FNDC3B: variants seen among roughly 807,000 people sequenced by gnomAD.
The protein encoded by FNDC3B is fibronectin type III domain-containing protein 3B.
A neutral mutation model predicts 151.5 loss-of-function variants in FNDC3B; 12 were observed. The ratio of observed to expected loss-of-function variants is 0.08; its 90% CI spans 0.05 to 0.13. The LOEUF (loss-of-function observed/expected upper bound fraction) is 0.13, where lower values mean the gene tolerates loss of function less well. Ranked by LOEUF, FNDC3B falls within the 10% of genes least tolerant of loss-of-function variation. The pLI, the probability that FNDC3B is intolerant of heterozygous loss-of-function variation, is 1.00. For synonymous variants in FNDC3B, 528 were observed against 549.0 expected, an observed-to-expected ratio of 0.96 and a Z score of 0.54; for missense variants, 1,214 against 1,505.3, an observed-to-expected ratio of 0.81 and a Z score of 3.20.
rs575356160 is a variant in FNDC3B, at chr3:172,335,004, A to G, written c.1702A>G (p.Ser568Gly). Reference protein sequence around the residue: ...CPSEVLVCTTSPDRPGPPTRP... With the variant: ...CPSEVLVCTTGPDRPGPPTRP... ...AAGCGAAGTTCTTGTTTGTACGACGAGTCCTGACAGGCCTGGACCTCCTAC... is the reference window on the plus strand; with the variant it reads ...AAGCGAAGTTCTTGTTTGTACGACGGGTCCTGACAGGCCTGGACCTCCTAC... Residue 568 changes from serine to glycine, a missense_variant, in exon 15 of 26, where the codon AGT becomes GGT. This residue lies in a region of FNDC3B where 380 missense variants were observed against 420.9 expected (regional missense o/e 0.90). Transcript: ENST00000415807. 1.2e-5 allele frequency: 20 copies of G among 1,613,914 alleles called. 1 individual carries two copies. In the South Asian group the frequency reaches 2.2e-4, roughly 18 times the overall value.
intron 3 of FNDC3B, among the ~76,000 whole-genome samples, chr3:172,175,536 A>G (rs1366161460): frequency 6.6e-6 from 1 of 152,250 alleles, no homozygotes; most frequent in Non-Finnish European, 1.5e-5. Flanking sequence ...GAGTATGTGT[A>G]GCTGAAGAAC....
rs182251236 is a variant in FNDC3B at position 172,224,382 on chromosome 3, A to G, written c.188-2489A>G. Among the ~76,000 whole-genome samples, 329 of 152,344 alleles carry G rather than the reference A, an allele frequency of 2.2e-3. 9 individuals carry two copies. The South Asian group carries it at 0.056, about 26-fold the overall frequency. Reference sequence around the variant, plus strand: ...CTTCTTTTGCTTTAAATTATTGCCAATGTGTTAGCATGTGAGAGACTGCTG... The same window carrying G: ...CTTCTTTTGCTTTAAATTATTGCCAGTGTGTTAGCATGTGAGAGACTGCTG... On this transcript the variant is annotated intron_variant, in intron 3 of 25. Coordinates refer to ENST00000415807, the MANE Select transcript of FNDC3B (RefSeq NM_022763.4).
chr3:172,040,354 G>A lies in FNDC3B; in HGVS notation c.-29+583G>A, dbSNP rs1274819749. Among the ~76,000 whole-genome samples, 1 of 151,938 alleles carries A rather than the reference G, an allele frequency of 6.6e-6. No individual in the cohort carries two copies. Among genetic ancestry groups the A allele is most frequent in the African/African-American group, 2.4e-5 (1 of 41,408 alleles). On this transcript the variant is annotated intron_variant, in intron 1 of 25. Transcript: ENST00000415807. This position sits in a 1 kb window ranked among gnomAD's most constrained non-coding sequence, Gnocchi z 6.6. ...GGGCGGTCGGGGGCCTCGAACCCGG[G>A]GATGCTCGCGGGGAGGGTCCCGAGC...
At chr3:172,232,138 C>T (rs1260598883) in intron 4 of FNDC3B, among the ~76,000 whole-genome samples, 2 of 152,056 alleles carry the variant, frequency 1.3e-5, no homozygotes, top group African/African-American at 4.8e-5. Flanking sequence ...GCCTCAGCCT[C>T]CCAAAGTGCT....
chr3:172,291,431 G>A (rs1730333199), intron 7 of FNDC3B, among the ~76,000 whole-genome samples: 1 of 151,808 alleles, frequency 6.6e-6, no homozygotes, highest in South Asian at 2.1e-4. Context: ...AACTGCTTTT[G>A]AATTGGAATC....
At chr3:172,389,949 A>G (rs534877694) in intron 25 of FNDC3B, among the ~76,000 whole-genome samples, 8 of 152,344 alleles carry the variant, frequency 5.3e-5, no homozygotes, top group African/African-American at 1.9e-4. Flanking sequence ...TGCTGCACCT[A>G]TACCAAACTG....
At chr3:172,317,010 G>A (rs1327669602) in intron 11 of FNDC3B, among the ~76,000 whole-genome samples, 1 of 152,130 alleles carries the variant, frequency 6.6e-6, no homozygotes, top group Admixed American at 6.5e-5. Context: ...AGAGAGGGAA[G>A]GGAACCAAAC....
intron 6 of FNDC3B, among the ~76,000 whole-genome samples, chr3:172,271,245 T>A (rs1729185630): frequency 6.6e-6 from 1 of 152,246 alleles, no homozygotes; most frequent in Non-Finnish European, 1.5e-5. Flanking sequence ...ATGTAATTCA[T>A]AGAAATTAAA....
At chr3:172,043,687 A>G (rs1716210208) in intron 1 of FNDC3B, among the ~76,000 whole-genome samples, 1 of 152,226 alleles carries the variant, frequency 6.6e-6, no homozygotes, top group Admixed American at 6.5e-5. Flanking sequence ...CTTTGCTTTC[A>G]TATGTAGAGT....
intron 4 of FNDC3B, 147 bp downstream of exon 4, chr3:172,227,094 G>A (rs1726628765): frequency 1.3e-5 from 8 of 592,810 alleles, no homozygotes; most frequent in Admixed American, 2.6e-5. Flanking sequence ...ACCACATGGC[G>A]TTTCTTGTGT....
At chr3:172,126,406 A>G (rs1720812473) in intron 2 of FNDC3B, among the ~76,000 whole-genome samples, 1 of 152,110 alleles carries the variant, frequency 6.6e-6, no homozygotes, top group African/African-American at 2.4e-5. Flanking sequence ...CAGTGTGTGT[A>G]TGTCCTCAAA....
At chr3:172,162,160 G>A (rs1722812273) in intron 3 of FNDC3B, among the ~76,000 whole-genome samples, 1 of 152,084 alleles carries the variant, frequency 6.6e-6, no homozygotes, top group Admixed American at 6.6e-5. Flanking sequence ...TGTATTTTTA[G>A]TAGAGACGGG....
At chr3:172,226,305 CA>C (rs199864393) in intron 3 of FNDC3B, among the ~76,000 whole-genome samples, 12,829 of 119,562 alleles carry the variant, frequency 0.11, 857 homozygotes, top group African/African-American at 0.24. Flanking sequence ...AACTCTGTCT[CA>C]AAAAAAAAAA....
At chr3:172,060,880 T>C (rs1422169231) in intron 1 of FNDC3B, among the ~76,000 whole-genome samples, 1 of 152,214 alleles carries the variant, frequency 6.6e-6, no homozygotes, top group Non-Finnish European at 1.5e-5. Flanking sequence ...ATTGGAGGCA[T>C]ATGGAACTTT....
chr3:172,347,125 C>T (rs2108316273), intron 20 of FNDC3B, 87 bp from the exon 21 acceptor site: 1 of 1,218,100 alleles, frequency 8.2e-7, no homozygotes, highest in African/African-American at 1.5e-5. Flanking sequence ...ATGTTGCTCT[C>T]TTTCCCATTT....
In FNDC3B at chr3:172,087,656, A is replaced by C. The variant is rs575500692; in HGVS notation, c.-28-24796A>C. Among the ~76,000 whole-genome samples the C allele has an allele frequency of 1.8e-3, 270 of 152,278 alleles. 1 individual carries two copies. The highest frequency in any genetic ancestry group is 6.3e-3 in the African/African-American group (260 of 41,586). ...AAATTTTTTTTTCAAATTTCATTGC[A>C]AATTTTAAATCCTGATGTTGCATTT... On this transcript the variant is annotated intron_variant, in intron 1 of 25. Coordinates refer to ENST00000415807, the MANE Select transcript of FNDC3B (RefSeq NM_022763.4).
At chr3:172,126,889 G>T in intron 2 of FNDC3B, 1 of 335,586 alleles carries the variant, frequency 3.0e-6, no homozygotes, top group South Asian at 2.3e-5. Context: ...AAACCATTTT[G>T]TAGATGTAAA....
Position 172,230,438 on chromosome 3 carries a change from A to G in FNDC3B, c.264+3491A>G, listed in dbSNP as rs570016998. 5.3e-5 allele frequency among the ~76,000 whole-genome samples: 8 copies of G among 151,774 alleles called. No individual in the cohort carries two copies. In the East Asian group the frequency reaches 1.5e-3, roughly 29 times the overall value. On this transcript the variant is annotated intron_variant, in intron 4 of 25. Transcript: ENST00000415807. ...GGAATCACTTGAACCCAGGAGGCGG[A>G]GGTTGCAGTGAACTGAGATCGTGCC...
chr3:172,056,796 C>T (rs1186797885), intron 1 of FNDC3B, among the ~76,000 whole-genome samples: 9 of 152,304 alleles, frequency 5.9e-5, no homozygotes, highest in Non-Finnish European at 1.0e-4. Flanking sequence ...ACTTTAAAAG[C>T]GTATGTGAAT....
Sources: gnomAD v4.1 joint callset for allele counts (sites outside exome capture counted in the v4.1 genomes callset) on GRCh38, gnomAD v4.1.1 for gene constraint, gnomAD v4.1.1 regional missense constraint, Gnocchi (gnomAD v3.1) non-coding constraint, MANE v1.5 for transcripts, NCBI Gene and HGNC (gene_info 2026-07-23, HGNC 2026-07-21) for gene names.